The following SSPN variants were observed in gnomAD, a reference collection of about 807,000 sequenced individuals.
SSPN encodes sarcospan.
A neutral mutation model predicts 19.1 loss-of-function variants in SSPN; 15 were observed. That is an observed-to-expected ratio of 0.78 (90% CI 0.52 to 1.21). The LOEUF (loss-of-function observed/expected upper bound fraction) is 1.21, where lower values mean the gene tolerates loss of function less well. SSPN is among the 50% of genes most tolerant of loss of function. The pLI is 0.00. For synonymous variants in SSPN, 147 were observed against 140.3 expected (o/e 1.05, Z -0.34); for missense variants, 291 against 314.0 (o/e 0.93, Z 0.55).
chr12:26,210,647 A>T (rs1944975509), intron 1 of SSPN, among the ~76,000 whole-genome samples: 1 of 152,118 alleles, frequency 6.6e-6, no homozygotes, highest in African/African-American at 2.4e-5. Flanking sequence ...GGAAAGTAGT[A>T]GAAAAACCTC....
At chr12:26,132,075 A>G (rs1229834884) in intron 1 of SSPN, among the ~76,000 whole-genome samples, 2 of 152,150 alleles carry the variant, frequency 1.3e-5, no homozygotes, top group Admixed American at 6.5e-5. Flanking sequence ...AGTTGTTGAG[A>G]GATGAGGAAG....
Position 26,127,286 on chromosome 12 carries a change from G to C in SSPN, c.-31+5134G>C, listed in dbSNP as rs968180244. Among the ~76,000 whole-genome samples, 6 of 152,328 alleles carry C rather than the reference G, an allele frequency of 3.9e-5. No homozygotes were observed. The East Asian group carries it at 9.6e-4, about 24-fold the overall frequency. On this transcript the variant is annotated intron_variant, in intron 1 of 2. Transcript: ENST00000538142. The stretch of plus-strand genomic sequence containing the variant: ...AGGGCAAACCTTAGAAGCTAAGTCT[G>C]GGGCAGAGATTAAATGCAAGTTGAA...
chr12:26,194,905 T>C (rs764576538), upstream of SSPN, among the ~76,000 whole-genome samples: 4 of 152,132 alleles, frequency 2.6e-5, no homozygotes, highest in African/African-American at 4.8e-5. Context: ...AGAGAGAAGC[T>C]GTTGAGTCCA....
chr12:26,140,856 C>T (rs1944456558), intron 1 of SSPN, among the ~76,000 whole-genome samples: 1 of 152,152 alleles, frequency 6.6e-6, no homozygotes, highest in African/African-American at 2.4e-5. Flanking sequence ...AATGTGAGTA[C>T]GAATGAATAC....
upstream of SSPN, among the ~76,000 whole-genome samples, chr12:26,195,165 T>C (rs1343302143): frequency 6.6e-6 from 1 of 152,176 alleles, no homozygotes; most frequent in Non-Finnish European, 1.5e-5. Flanking sequence ...AACAACGACT[T>C]AACTTCTGGA....
intron 1 of SSPN, among the ~76,000 whole-genome samples, chr12:26,200,714 A>G (rs1456897718): frequency 6.6e-6 from 1 of 152,038 alleles, no homozygotes; most frequent in Non-Finnish European, 1.5e-5. Flanking sequence ...TTTAATCTGG[A>G]ATTATACTTT....
In SSPN at chr12:26,176,896, C is replaced by G. The variant is rs115600597; in HGVS notation, c.-30-47397C>G. On this transcript the variant is annotated intron_variant, in intron 1 of 2. Transcript: ENST00000538142. ...TCTCTTCCTCCATCAGTCCATTATT[C>G]ACACTGTTGCCAAGTGATATTTTCA... is the stretch of plus-strand genomic sequence containing the variant. 5.8e-3 allele frequency among the ~76,000 whole-genome samples: 889 copies of G among 152,306 alleles called. 8 individuals are homozygous for G. Among genetic ancestry groups the G allele is most frequent in the African/African-American group, 0.021 (858 of 41,562 alleles).
At chr12:26,170,068 C>G (rs988841630) in intron 1 of SSPN, among the ~76,000 whole-genome samples, 2 of 152,106 alleles carry the variant, frequency 1.3e-5, no homozygotes, top group African/African-American at 4.8e-5. Flanking sequence ...AGAGACAGTG[C>G]AAAGGAATGG....
chr12:26,226,268 TG>T (rs1032417635), intron 2 of SSPN, among the ~76,000 whole-genome samples: 1 of 151,978 alleles, frequency 6.6e-6, no homozygotes, highest in East Asian at 1.9e-4. Flanking sequence ...CTCACACTAC[TG>T]GGGGGGCGAA....
chr12:26,211,998 G>A (rs1166196459), intron 1 of SSPN, among the ~76,000 whole-genome samples: 2 of 152,032 alleles, frequency 1.3e-5, no homozygotes, highest in African/African-American at 4.8e-5. Flanking sequence ...TTATCACAAA[G>A]TACTGGTGAA....
chr12:26,153,325 T>C (rs559627710), intron 1 of SSPN, among the ~76,000 whole-genome samples: 2 of 152,350 alleles, frequency 1.3e-5, no homozygotes, highest in African/African-American at 4.8e-5. Flanking sequence ...GCTGCTAATA[T>C]TATCATCATC....
At chr12:26,123,288 T>G in intron 1 of SSPN, 10 of 1,310,676 alleles carry the variant, frequency 7.6e-6, no homozygotes, top group Non-Finnish European at 9.2e-6. Flanking sequence ...TCTCGGTTTT[T>G]CCCCAGTATT....
At chr12:26,179,560 T>C (rs1222713914) in intron 1 of SSPN, among the ~76,000 whole-genome samples, 1 of 152,146 alleles carries the variant, frequency 6.6e-6, no homozygotes, top group African/African-American at 2.4e-5. Flanking sequence ...GGCCTTGTAT[T>C]CCTTAAACCA....
intron 1 of SSPN, among the ~76,000 whole-genome samples, chr12:26,200,721 C>A (rs1944869414): frequency 6.6e-6 from 1 of 151,912 alleles, no homozygotes; most frequent in South Asian, 2.1e-4. Context: ...TGGAATTATA[C>A]TTTTAGGAGT....
chr12:26,125,206 G>C (rs981507972), intron 1 of SSPN: 10 of 301,006 alleles, frequency 3.3e-5, no homozygotes, highest in Non-Finnish European at 5.8e-5. Context: ...GGGGACACCT[G>C]ATCAGGGCCA....
At chr12:26,122,612 T>TGCCGCCGCCGCCGCGCCGCCCCCCGGGCC in intron 1 of SSPN, 1 of 1,130,288 alleles carries the variant, frequency 8.8e-7, no homozygotes, top group Non-Finnish European at 1.1e-6. Flanking sequence ...GAAGCGCGGC[T>TGCCGCCGCCGCCGCGCCGCCCCCCGGGCC]GCCGCCGCCG....
intron 1 of SSPN, among the ~76,000 whole-genome samples, chr12:26,150,397 G>C (rs1944518596): frequency 2.0e-5 from 3 of 152,190 alleles, no homozygotes; most frequent in Admixed American, 2.0e-4. Flanking sequence ...TACCCAGTTA[G>C]AGTTTCACAG....
intron 1 of SSPN, among the ~76,000 whole-genome samples, chr12:26,216,277 G>A (rs10437780): frequency 0.25 from 37,669 of 151,966 alleles, 5,153 homozygotes; most frequent in East Asian, 0.51. Context: ...TCCCAGCACC[G>A]GCAGCATCAG....
chr12:26,230,212 A>T (rs1394319842), intron 2 of SSPN, among the ~76,000 whole-genome samples: 4 of 152,194 alleles, frequency 2.6e-5, no homozygotes, highest in African/African-American at 9.7e-5. Flanking sequence ...ACTACATTGA[A>T]TGTAGTCTTT....
Sources: gnomAD v4.1 joint callset for allele counts (sites outside exome capture counted in the v4.1 genomes callset) on GRCh38, gnomAD v4.1.1 for gene constraint, MANE v1.5 for transcripts, NCBI Gene and HGNC (gene_info 2026-07-23, HGNC 2026-07-21) for gene names.